PTPRD: variants seen among roughly 807,000 people sequenced by gnomAD.
PTPRD encodes protein tyrosine phosphatase receptor type D.
A neutral mutation model predicts 214.5 loss-of-function variants in PTPRD; 34 were observed. The observed-to-expected ratio is 0.16, with a 90% CI of 0.12 to 0.21. The LOEUF (loss-of-function observed/expected upper bound fraction) is 0.21. Ranked by LOEUF, PTPRD falls within the 10% of genes least tolerant of loss-of-function variation. The pLI, the probability that PTPRD is intolerant of heterozygous loss-of-function variation, is 1.00. For synonymous variants in PTPRD, 1,128 were observed against 845.7 expected (o/e 1.33, Z -5.79); for missense variants, 2,545 against 2,398.7 (o/e 1.06, Z -1.27).
Position 8,408,219 on chromosome 9 carries a change from A to G in PTPRD, c.4087-3559T>C, listed in dbSNP as rs530648795. ...CTGTATTTTCGGTCAGTCCACCCTGACCATGCATCTTTTTTACTATAAAGC... is the reference window on the plus strand; with the variant it reads ...CTGTATTTTCGGTCAGTCCACCCTGGCCATGCATCTTTTTTACTATAAAGC... On this transcript the variant is annotated intron_variant, in intron 35 of 45. Coordinates refer to ENST00000381196, the MANE Select transcript of PTPRD (RefSeq NM_002839.4). Among the ~76,000 whole-genome samples the G allele has an allele frequency of 3.3e-5, 5 of 152,198 alleles. No homozygotes were observed. In the East Asian group the frequency reaches 9.7e-4, roughly 29 times the overall value.
chr9:8,848,687 T>A (rs2154540939), intron 11 of PTPRD, among the ~76,000 whole-genome samples: 1 of 152,160 alleles, frequency 6.6e-6, no homozygotes, highest in Non-Finnish European at 1.5e-5. Context: ...TAAATATTTT[T>A]TTTAAAATCA....
chr9:9,232,478 A>G (rs2099963705), intron 9 of PTPRD, among the ~76,000 whole-genome samples: 1 of 152,198 alleles, frequency 6.6e-6, no homozygotes, highest in African/African-American at 2.4e-5. Flanking sequence ...GAAGCTTACA[A>G]GTACACGATT....
intron 8 of PTPRD, among the ~76,000 whole-genome samples, chr9:9,399,801 C>A (rs1569567989): frequency 6.6e-6 from 1 of 152,026 alleles, no homozygotes; most frequent in Non-Finnish European, 1.5e-5. Context: ...GATTCTGAAG[C>A]CTCCCCAGCC....
chr9:9,410,929 G>T (rs1420714138), intron 8 of PTPRD, among the ~76,000 whole-genome samples: 1 of 152,070 alleles, frequency 6.6e-6, no homozygotes, highest in Non-Finnish European at 1.5e-5. Flanking sequence ...GATGTTCAGT[G>T]ACCTAAATTG....
At chr9:8,400,653 G>A (rs1024703294) in intron 36 of PTPRD, among the ~76,000 whole-genome samples, 18 of 152,168 alleles carry the variant, frequency 1.2e-4, no homozygotes, top group Non-Finnish European at 1.2e-4. Flanking sequence ...TGTTATGAGT[G>A]ATGTGGGAAA....
At chr9:8,997,580 T>C (rs1001419974) in intron 11 of PTPRD, among the ~76,000 whole-genome samples, 18 of 152,082 alleles carry the variant, frequency 1.2e-4, no homozygotes, top group African/African-American at 4.1e-4. Context: ...CTGCCTCTTC[T>C]TGCACCTCCC....
At position 9,541,438 on chromosome 9, in the gene PTPRD, C is replaced by T. The variant is rs116847591; in HGVS notation, c.-237+33294G>A. Among the ~76,000 whole-genome samples, 1,219 of 151,828 alleles carry T rather than the reference C, an allele frequency of 8.0e-3. 5 individuals are homozygous for T. Among genetic ancestry groups the T allele is most frequent in the Non-Finnish European group, 0.013 (872 of 67,830 alleles). ...AGACGCCATCTTGGAACTTCCAGCCCAACCCAGCTACAACCATGTGAGAAA... is the reference window on the plus strand; with the variant it reads ...AGACGCCATCTTGGAACTTCCAGCCTAACCCAGCTACAACCATGTGAGAAA... On this transcript the variant is annotated intron_variant, in intron 8 of 45. Transcript: ENST00000381196.
chr9:9,819,672 C>A (rs1463539869), intron 5 of PTPRD, among the ~76,000 whole-genome samples: 1 of 152,062 alleles, frequency 6.6e-6, no homozygotes, highest in Non-Finnish European at 1.5e-5. Flanking sequence ...CCCTCTTTCC[C>A]TCTTCTAGTA....
intron 3 of PTPRD, among the ~76,000 whole-genome samples, chr9:10,233,660 T>G (rs182768945): frequency 6.6e-6 from 1 of 152,026 alleles, no homozygotes; most frequent in African/African-American, 2.4e-5. Context: ...GTTCAGTATA[T>G]AGACATTATT....
At chr9:9,097,078 C>G (rs1161389288) in intron 10 of PTPRD, among the ~76,000 whole-genome samples, 1 of 152,168 alleles carries the variant, frequency 6.6e-6, no homozygotes, top group Non-Finnish European at 1.5e-5. Flanking sequence ...CTTGAAACAT[C>G]AGAATATAAG....
At chr9:8,451,294 T>G (rs994728003) in intron 33 of PTPRD, among the ~76,000 whole-genome samples, 2 of 152,194 alleles carry the variant, frequency 1.3e-5, no homozygotes, top group Non-Finnish European at 2.9e-5. Context: ...GAGGATTTCT[T>G]CTTTCTACCT....
At chr9:9,514,350 C>G (rs1473013589) in intron 8 of PTPRD, among the ~76,000 whole-genome samples, 2 of 152,022 alleles carry the variant, frequency 1.3e-5, no homozygotes, top group South Asian at 2.1e-4. Context: ...ACACAGGGAT[C>G]TGGATAGTTA....
At chr9:9,005,247 T>G (rs1007030528) in intron 11 of PTPRD, among the ~76,000 whole-genome samples, 1 of 152,056 alleles carries the variant, frequency 6.6e-6, no homozygotes, top group African/African-American at 2.4e-5. Flanking sequence ...TTGAATGATA[T>G]AGAAGAAATG....
At chr9:10,016,303 T>C (rs986881329) in intron 4 of PTPRD, among the ~76,000 whole-genome samples, 3 of 152,068 alleles carry the variant, frequency 2.0e-5, no homozygotes, top group African/African-American at 7.2e-5. Context: ...TTATAACTAT[T>C]TGAATAAAGT....
intron 10 of PTPRD, among the ~76,000 whole-genome samples, chr9:9,182,872 CT>C (rs2099929056): frequency 6.6e-6 from 1 of 151,878 alleles, no homozygotes; most frequent in Non-Finnish European, 1.5e-5. Context: ...CAATAAATAG[CT>C]TTGTAGCTTC....
chr9:9,217,576 A>C (rs1027813592), intron 9 of PTPRD, among the ~76,000 whole-genome samples: 1 of 152,126 alleles, frequency 6.6e-6, no homozygotes, highest in Non-Finnish European at 1.5e-5. Context: ...CTCCATCTAC[A>C]CAGCTATCTT....
intron 2 of PTPRD, among the ~76,000 whole-genome samples, chr9:10,386,062 T>G (rs1479878713): frequency 6.6e-6 from 1 of 151,860 alleles, no homozygotes; most frequent in Non-Finnish European, 1.5e-5. Context: ...TTTCGAACTG[T>G]TTTTAAAATT....
chr9:9,758,759 A>G (rs1279543208), intron 6 of PTPRD, among the ~76,000 whole-genome samples: 1 of 30,354 alleles, frequency 3.3e-5, no homozygotes, highest in African/African-American at 1.3e-4. Flanking sequence ...CCCCCATCCC[A>G]CTACTCCCAC....
At chr9:10,159,244 C>T (rs2099112535) in intron 3 of PTPRD, among the ~76,000 whole-genome samples, 1 of 151,870 alleles carries the variant, frequency 6.6e-6, no homozygotes, top group Admixed American at 6.6e-5. Flanking sequence ...AGAAAATCAA[C>T]AGGTAAGTTA....
Sources: allele counts gnomAD v4.1 joint callset (sites outside exome capture counted in the v4.1 genomes callset), GRCh38; gene constraint gnomAD v4.1.1; transcripts MANE v1.5; gene names NCBI Gene and HGNC (gene_info 2026-07-23, HGNC 2026-07-21).